Variants in CCDC91 observed in about 807,000 individuals in gnomAD.
The protein encoded by CCDC91 is coiled-coil domain-containing protein 91.
In CCDC91, 48 loss-of-function variants were observed where a neutral mutation model predicts 63.2. The ratio of observed to expected loss-of-function variants is 0.76; its 90% CI spans 0.60 to 0.97. The LOEUF is 0.97. Among genes scored for constraint, CCDC91 ranks in the 50% least tolerant of loss-of-function variants. The pLI, the probability that CCDC91 is intolerant of heterozygous loss-of-function variation, is 0.00. For synonymous variants in CCDC91, 167 were observed against 165.8 expected, an observed-to-expected ratio of 1.01 and a Z score of -0.06; for missense variants, 500 against 494.6, an observed-to-expected ratio of 1.01 and a Z score of -0.10.
At chr12:28,315,975 C>T (rs969580588) in intron 6 of CCDC91, among the ~76,000 whole-genome samples, 2 of 151,702 alleles carry the variant, frequency 1.3e-5, no homozygotes, top group African/African-American at 4.8e-5. Context: ...ATAGAAATTC[C>T]TATTCTTTCT....
At chr12:28,318,684 G>C (rs1940170475) in intron 6 of CCDC91, among the ~76,000 whole-genome samples, 1 of 151,960 alleles carries the variant, frequency 6.6e-6, no homozygotes. Flanking sequence ...GAAATTTTGT[G>C]CTGGCTTTTA....
chr12:28,524,041 G>A (rs1443791239), intron 12 of CCDC91, among the ~76,000 whole-genome samples: 2 of 152,042 alleles, frequency 1.3e-5, no homozygotes, highest in Non-Finnish European at 2.9e-5. Context: ...AATATTAAGG[G>A]CAGCCAGAGA....
In CCDC91 at chr12:28,529,217, T is replaced by C. The variant is rs75881454; in HGVS notation, c.1216-19846T>C. ...ACTGTTATTTTGTGTTTGTTTCTTA[T>C]ATGTCTAGTGTTTTGCTGTTTTTCT... is the stretch of plus-strand genomic sequence containing the variant. On this transcript the variant is annotated intron_variant, in intron 12 of 12. Transcript: ENST00000536442. Among the ~76,000 whole-genome samples, 248 of 152,322 alleles carry C rather than the reference T, an allele frequency of 1.6e-3. 6 individuals are homozygous for C. In the East Asian group the frequency reaches 0.041, roughly 25 times the overall value.
At chr12:28,441,712 A>T (rs143060757) in intron 8 of CCDC91, among the ~76,000 whole-genome samples, 495 of 45,104 alleles carry the variant, frequency 0.011, 6 homozygotes, top group African/African-American at 0.049. Context: ...TCTCATATAT[A>T]TATCTCATAT....
chr12:28,195,242 G>A (rs769145159), intron 1 of CCDC91, among the ~76,000 whole-genome samples: 5 of 152,160 alleles, frequency 3.3e-5, no homozygotes, highest in Admixed American at 6.5e-5. Context: ...GCTGATTGGT[G>A]CATTTACAAT....
At chr12:28,217,064 C>T (rs1351725385) in intron 1 of CCDC91, among the ~76,000 whole-genome samples, 1 of 152,070 alleles carries the variant, frequency 6.6e-6, no homozygotes, top group Non-Finnish European at 1.5e-5. Flanking sequence ...CTACTGCTTC[C>T]CTGTTACCCA....
chr12:28,407,857 C>A (rs1331534237), intron 8 of CCDC91, among the ~76,000 whole-genome samples: 2 of 151,496 alleles, frequency 1.3e-5, no homozygotes, highest in African/African-American at 4.8e-5. Flanking sequence ...GTTAGTTTAA[C>A]TTTTATAGTT....
chr12:28,260,997 G>T (rs898675218), intron 3 of CCDC91, among the ~76,000 whole-genome samples: 2 of 151,972 alleles, frequency 1.3e-5, no homozygotes, highest in Non-Finnish European at 2.9e-5. Flanking sequence ...ACTGTGTTTA[G>T]GGATGAAGTG....
At chr12:28,252,851 CTT>C (rs1312387049) in intron 1 of CCDC91, among the ~76,000 whole-genome samples, 1 of 152,066 alleles carries the variant, frequency 6.6e-6, no homozygotes, top group African/African-American at 2.4e-5. Context: ...GTAGCAAACA[CTT>C]ATATAATGCT....
At chr12:28,419,075 A>AT (rs897367175) in intron 8 of CCDC91, among the ~76,000 whole-genome samples, 3 of 152,220 alleles carry the variant, frequency 2.0e-5, no homozygotes, top group East Asian at 1.9e-4. Context: ...AAAAACAAGC[A>AT]TTTTTTTACA....
At chr12:28,440,384 A>G (rs1185034267) in intron 8 of CCDC91, among the ~76,000 whole-genome samples, 1 of 152,190 alleles carries the variant, frequency 6.6e-6, no homozygotes, top group African/African-American at 2.4e-5. Flanking sequence ...CCCAGTTCGT[A>G]TACAAACCAA....
At chr12:28,311,793 T>G (rs950305452) in intron 6 of CCDC91, among the ~76,000 whole-genome samples, 3 of 151,928 alleles carry the variant, frequency 2.0e-5, no homozygotes, top group African/African-American at 7.2e-5. Context: ...GATTGTGCCT[T>G]TCATGGATGG....
In CCDC91 at chr12:28,373,712, AT is replaced by A. The variant is rs562812493; in HGVS notation, c.654+11200del. On this transcript the variant is annotated intron_variant, in intron 7 of 12. Transcript: ENST00000536442. ...CTTTGCCAGTTTACCTTGTCACATG[AT>A]TTGGCTGTGTCCCCTTCCAAATCTC... 3.2e-3 allele frequency among the ~76,000 whole-genome samples: 491 copies of A among 152,062 alleles called. 2 individuals carry two copies. Among genetic ancestry groups the A allele is most frequent in the African/African-American group, 9.6e-3 (398 of 41,476 alleles).
intron 6 of CCDC91, among the ~76,000 whole-genome samples, chr12:28,345,743 A>G (rs1180111671): frequency 6.6e-6 from 1 of 152,150 alleles, no homozygotes; most frequent in Non-Finnish European, 1.5e-5. Flanking sequence ...ATGTTTTTAA[A>G]TAACATACTT....
chr12:28,416,763 A>G (rs1375105126), intron 8 of CCDC91, among the ~76,000 whole-genome samples: 1 of 152,104 alleles, frequency 6.6e-6, no homozygotes, highest in Non-Finnish European at 1.5e-5. Flanking sequence ...TCAAAAACAG[A>G]GCTTAGAAGA....
At chr12:28,489,760 C>G (rs1951902150) in intron 12 of CCDC91, among the ~76,000 whole-genome samples, 1 of 151,768 alleles carries the variant, frequency 6.6e-6, no homozygotes, top group Non-Finnish European at 1.5e-5. Flanking sequence ...TATAAAAGGG[C>G]TCTTTTAATC....
At chr12:28,359,515 A>G (rs1943737911) in intron 6 of CCDC91, among the ~76,000 whole-genome samples, 1 of 152,198 alleles carries the variant, frequency 6.6e-6, no homozygotes, top group African/African-American at 2.4e-5. Flanking sequence ...ATTTAATCAG[A>G]TAAGTTTAAA....
At chr12:28,526,050 A>C (rs1941230116) in intron 12 of CCDC91, among the ~76,000 whole-genome samples, 1 of 151,934 alleles carries the variant, frequency 6.6e-6, no homozygotes, top group South Asian at 2.1e-4. Context: ...CTATTCGGCA[A>C]TTTTGTATCT....
chr12:28,496,518 A>G (rs534040473), intron 12 of CCDC91, among the ~76,000 whole-genome samples: 2 of 151,760 alleles, frequency 1.3e-5, no homozygotes, highest in African/African-American at 4.8e-5. Context: ...CAAAAATCAG[A>G]AAACATTACA....
Sources: gnomAD v4.1 joint callset for allele counts (sites outside exome capture counted in the v4.1 genomes callset) on GRCh38, gnomAD v4.1.1 for gene constraint, MANE v1.5 for transcripts, NCBI Gene and HGNC (gene_info 2026-07-23, HGNC 2026-07-21) for gene names.